PTPRK: variants seen among roughly 807,000 people sequenced by gnomAD.
PTPRK encodes receptor-type tyrosine-protein phosphatase kappa.
Under a neutral mutation model 178.0 loss-of-function variants are expected in PTPRK, and 75 were observed. The observed-to-expected ratio is 0.42, with a 90% CI of 0.35 to 0.51. The LOEUF (loss-of-function observed/expected upper bound fraction) is 0.51, where lower values mean the gene tolerates loss of function less well. Ranked by LOEUF, PTPRK falls within the 20% of genes least tolerant of loss-of-function variation. The pLI is 0.02. For missense variants in PTPRK, 1,441 were observed against 1,797.8 expected, an observed-to-expected ratio of 0.80 and a Z score of 3.59; for synonymous variants, 637 against 620.6, an observed-to-expected ratio of 1.03 and a Z score of -0.39.
At position 128,255,257 on chromosome 6, in the gene PTPRK, G is replaced by A. The variant is rs951520002; in HGVS notation, c.496-12655C>T. 3.9e-5 allele frequency among the ~76,000 whole-genome samples: 6 copies of A among 152,274 alleles called. No homozygotes were observed. In the South Asian group the frequency reaches 1.2e-3, roughly 32 times the overall value. ...ACCCACCTCGGCCTCCCAAAGTGCT[G>A]GGATAACAGGCGTGAGCCACCATGC... On this transcript the variant is annotated intron_variant, in intron 3 of 29. Coordinates refer to ENST00000368226, the MANE Select transcript of PTPRK (RefSeq NM_002844.4).
At chr6:128,077,145 T>G (rs994345632) in intron 11 of PTPRK, among the ~76,000 whole-genome samples, 1 of 152,030 alleles carries the variant, frequency 6.6e-6, no homozygotes, top group Non-Finnish European at 1.5e-5. Flanking sequence ...TAAGCACCAG[T>G]AACAGAAGTG....
intron 7 of PTPRK, among the ~76,000 whole-genome samples, chr6:128,100,805 C>T (rs886663539): frequency 6.6e-6 from 1 of 151,874 alleles, no homozygotes; most frequent in Non-Finnish European, 1.5e-5. Context: ...TCGAGCCAGT[C>T]TACAGGGTTA....
At chr6:128,485,881 C>A (rs1395244624) in intron 1 of PTPRK, among the ~76,000 whole-genome samples, 2 of 152,154 alleles carry the variant, frequency 1.3e-5, no homozygotes, top group Admixed American at 1.3e-4. Flanking sequence ...CAGCGTCTTT[C>A]TTGAGTGATA....
chr6:128,334,450 T>A (rs1830651221), intron 2 of PTPRK, among the ~76,000 whole-genome samples: 1 of 152,100 alleles, frequency 6.6e-6, no homozygotes, highest in Non-Finnish European at 1.5e-5. Flanking sequence ...GTACAAGAAG[T>A]ACATGAAGAA....
At chr6:128,124,455 A>C (rs1793006299) in intron 7 of PTPRK, among the ~76,000 whole-genome samples, 1 of 152,192 alleles carries the variant, frequency 6.6e-6, no homozygotes, top group Non-Finnish European at 1.5e-5. Context: ...TCTGCCATGT[A>C]ATGTAATCAC....
Position 128,029,014 on chromosome 6 carries a change from T to A in PTPRK, c.2195-19746A>T, listed in dbSNP as rs1034085956. Among the ~76,000 whole-genome samples, 3 of 152,292 alleles carry A rather than the reference T, an allele frequency of 2.0e-5. No homozygotes were observed. The East Asian group carries it at 5.8e-4, about 29-fold the overall frequency. The stretch of plus-strand genomic sequence containing the variant: ...TCCATCTTCCATGGTCAGTTCTTGA[T>A]CAACTGATACAGTTTGGGTGTTTGT... On this transcript the variant is annotated intron_variant, in intron 13 of 29. Transcript: ENST00000368226.
intron 1 of PTPRK, among the ~76,000 whole-genome samples, chr6:128,428,142 A>G (rs1351120787): frequency 2.0e-5 from 3 of 152,176 alleles, no homozygotes; most frequent in African/African-American, 7.2e-5. Context: ...GTACAGTGAA[A>G]TGAGAAATCA....
intron 7 of PTPRK, among the ~76,000 whole-genome samples, chr6:128,123,034 T>C (rs1156552972): frequency 6.6e-6 from 1 of 152,146 alleles, no homozygotes; most frequent in Non-Finnish European, 1.5e-5. Flanking sequence ...GCAGAGGTAA[T>C]TAAGGATCTT....
intron 3 of PTPRK, among the ~76,000 whole-genome samples, chr6:128,305,883 T>C (rs1826303093): frequency 6.6e-6 from 1 of 152,220 alleles, no homozygotes; most frequent in Non-Finnish European, 1.5e-5. Context: ...ATGGATGCTA[T>C]AGGGAATGCA....
chr6:128,425,109 C>T (rs1323499090), intron 1 of PTPRK, among the ~76,000 whole-genome samples: 4 of 146,230 alleles, frequency 2.7e-5, no homozygotes, highest in African/African-American at 1.0e-4. Flanking sequence ...GACGGAGTCT[C>T]GCTCTGTTAC....
intron 1 of PTPRK, among the ~76,000 whole-genome samples, chr6:128,433,198 G>A (rs575204634): frequency 2.0e-5 from 3 of 152,118 alleles, no homozygotes; most frequent in South Asian, 2.1e-4. Context: ...TATCAAACAC[G>A]AGAACGTATT....
rs1294583233 is a variant in PTPRK, at chr6:128,089,760, G to C, written c.1395C>G (p.Leu465=). The change falls in exon 8 of 30, where the codon CTC becomes CTG. Residue 465 remains leucine (L), a synonymous_variant. Transcript: ENST00000368226. ...NHLPPYTNVS[L]KMILTNPEGR... is the part of the protein sequence containing the mutation. ...CCTCTGGATTGGTTAGGATCATCTT[G>C]AGGCTGACATTTGTATAAGGTGGCA... 2 of 1,613,440 alleles carry C rather than the reference G, an allele frequency of 1.2e-6. No individual in the cohort carries two copies. Among genetic ancestry groups the C allele is most frequent in the Non-Finnish European group, 1.7e-6 (2 of 1,179,414 alleles).
In PTPRK at chr6:128,473,257, T is replaced by C. The variant is rs1300378855; in HGVS notation, c.100+47002A>G. Among the ~76,000 whole-genome samples, 6 of 152,210 alleles carry C rather than the reference T, an allele frequency of 3.9e-5. No individual in the cohort carries two copies. In the South Asian group the frequency reaches 1.2e-3, roughly 32 times the overall value. On this transcript the variant is annotated intron_variant, in intron 1 of 29. Transcript: ENST00000368226. ...GGATTTGTCTGATATTTCCTCATGA[T>C]GAGATTCAGGTAATGCATTCTTCAC...
chr6:128,097,980 A>G (rs577309780), intron 7 of PTPRK, among the ~76,000 whole-genome samples: 11 of 152,270 alleles, frequency 7.2e-5, no homozygotes, highest in African/African-American at 2.4e-4. Context: ...TGTACATAGC[A>G]AAGACAAAAT....
At chr6:128,304,148 G>A (rs1351441910) in intron 3 of PTPRK, among the ~76,000 whole-genome samples, 1 of 152,118 alleles carries the variant, frequency 6.6e-6, no homozygotes, top group Non-Finnish European at 1.5e-5. Flanking sequence ...GCTAAGCTGG[G>A]GTGACATAAG....
intron 6 of PTPRK, among the ~76,000 whole-genome samples, chr6:128,185,083 C>T (rs1224919940): frequency 6.6e-6 from 1 of 152,146 alleles, no homozygotes; most frequent in African/African-American, 2.4e-5. Context: ...ATTTCATTCA[C>T]AAACTATGCC....
intron 3 of PTPRK, among the ~76,000 whole-genome samples, chr6:128,316,351 C>T (rs1441283570): frequency 1.3e-5 from 2 of 152,136 alleles, no homozygotes; most frequent in African/African-American, 4.8e-5. Context: ...ACAAACAATG[C>T]TTATTTCTCC....
chr6:128,083,866 T>TA, intron 8 of PTPRK, 42 bp from the exon 9 acceptor site: 2 of 1,106,366 alleles, frequency 1.8e-6, no homozygotes, highest in Non-Finnish European at 2.6e-6. Context: ...ATGCTTACAT[T>TA]AGAAACAGAA....
intron 2 of PTPRK, among the ~76,000 whole-genome samples, chr6:128,364,579 A>G (rs757522667): frequency 6.6e-5 from 10 of 152,112 alleles, no homozygotes; most frequent in Non-Finnish European, 1.3e-4. Flanking sequence ...GGCATTGTTA[A>G]GTAAGCTTCA....
Sources: gnomAD v4.1 joint callset for allele counts (sites outside exome capture counted in the v4.1 genomes callset) on GRCh38, gnomAD v4.1.1 for gene constraint, MANE v1.5 for transcripts, NCBI Gene and HGNC (gene_info 2026-07-23, HGNC 2026-07-21) for gene names.